TRIM31: variants seen among roughly 807,000 people sequenced by gnomAD.
TRIM31 encodes the protein E3 ubiquitin-protein ligase TRIM31.
TRIM31 carries 31 observed loss-of-function variants against 40.6 expected under a neutral mutation model. That is an observed-to-expected ratio of 0.76 (90% CI 0.57 to 1.03). The LOEUF (loss-of-function observed/expected upper bound fraction) is 1.03. Ranked by LOEUF, TRIM31 falls within the 50% of genes least tolerant of loss-of-function variation. The probability of loss-of-function intolerance (pLI) is 0.00; values close to 1 mark genes in which losing one functional copy is unlikely to be tolerated. For missense variants in TRIM31, 455 were observed against 497.5 expected (o/e 0.91, Z 0.81); for synonymous variants, 164 against 193.9 (o/e 0.85, Z 1.28).
intron 6 of TRIM31, among the ~76,000 whole-genome samples, chr6:30,107,098 C>T (rs1768788033): frequency 6.6e-6 from 1 of 151,418 alleles, no homozygotes; most frequent in Non-Finnish European, 1.5e-5. Flanking sequence ...AAAACTCCAT[C>T]AAAAATAAAT....
At chr6:30,105,820 G>T (rs1367270051) in intron 6 of TRIM31, among the ~76,000 whole-genome samples, 1 of 152,212 alleles carries the variant, frequency 6.6e-6, no homozygotes, top group African/African-American at 2.4e-5. Flanking sequence ...AGGACAAAGA[G>T]TGCCTTGAGG....
At chr6:30,111,452 G>C in intron 3 of TRIM31, 196 bp downstream of exon 3, 1 of 580,170 alleles carries the variant, frequency 1.7e-6, no homozygotes, top group Non-Finnish European at 3.0e-6. Flanking sequence ...TGCCGGTGGA[G>C]ACTGAGCAGT....
rs1325990483 is a variant in TRIM31 at position 30,103,637 on chromosome 6, T to C, written c.1177A>G (p.Thr393Ala). The change falls in exon 9 of 9, where the codon ACG becomes GCG. Residue 393 changes from threonine (T) to alanine (A), a missense_variant. Transcript: ENST00000376734. ...ISGQGASSQDTKTFDVALSEE... is the reference protein window; with the variant it reads ...ISGQGASSQDAKTFDVALSEE... ...GACAGCGCAACGTCAAATGTCTTCG[T>C]ATCCTGAGAGCTCGCTCCTTGACCA... 6.2e-7 allele frequency: 1 copy of C among 1,612,914 alleles called. No individual in the cohort carries two copies. The highest frequency in any genetic ancestry group is 2.2e-5 in the East Asian group (1 of 44,886).
In TRIM31 at chr6:30,103,423, C is replaced by A. The variant is rs574335716; in HGVS notation, c.*113G>T. 6.4e-4 allele frequency: 942 copies of A among 1,471,662 alleles called. 3 individuals are homozygous for A. Among genetic ancestry groups the A allele is most frequent in the Admixed American group, 3.5e-3 (184 of 53,244 alleles). The allele number at this position is 1,471,662 out of a possible 1,614,324, so 91.2% of individuals were successfully genotyped here. A position where few individuals can be genotyped will look rare whatever the true frequency, so the allele number is the denominator to read the frequency against. On this transcript the variant is annotated 3_prime_UTR_variant, in exon 9 of 9. Transcript: ENST00000376734. ...CGAGCCCTCCCATTCTCCACTCCTTCGACCCAATTCCACTAAGTCAAGAAC... is the reference window on the plus strand; with the variant it reads ...CGAGCCCTCCCATTCTCCACTCCTTAGACCCAATTCCACTAAGTCAAGAAC...
intron 3 of TRIM31, 68 bp from the exon 4 acceptor site, chr6:30,110,746 G>T: frequency 7.0e-7 from 1 of 1,426,310 alleles, no homozygotes. Flanking sequence ...ACTTTATTCA[G>T]CCATTAATTT....
chr6:30,105,631 T>C (rs1368846105), intron 6 of TRIM31: 1 of 156,376 alleles, frequency 6.4e-6, no homozygotes, highest in Non-Finnish European at 1.4e-5. Context: ...AAATTATTGC[T>C]ATCTTTTACA....
intron 6 of TRIM31, among the ~76,000 whole-genome samples, chr6:30,107,180 C>A (rs1421638364): frequency 7.2e-5 from 11 of 152,136 alleles, no homozygotes; most frequent in Non-Finnish European, 1.0e-4. Flanking sequence ...AGGAGCTAGA[C>A]AAAGCAGAGC....
chr6:30,106,183 C>A (rs901571744), intron 6 of TRIM31, among the ~76,000 whole-genome samples: 1 of 152,204 alleles, frequency 6.6e-6, no homozygotes, highest in African/African-American at 2.4e-5. Context: ...CAGCACCCTT[C>A]CCCCAGTGTC....
chr6:30,104,031 T>C (rs1281949877), intron 8 of TRIM31, 71 bp downstream of exon 8: 2 of 1,491,098 alleles, frequency 1.3e-6, no homozygotes, highest in Non-Finnish European at 1.9e-6. Context: ...TTTAGTGGAA[T>C]TGGGTGGATA....
At chr6:30,108,628 T>G (rs1768977770) in intron 5 of TRIM31, 2 of 249,678 alleles carry the variant, frequency 8.0e-6, no homozygotes. Context: ...AGTCAGAAAG[T>G]CAGGGCTAGG....
intron 4 of TRIM31, among the ~76,000 whole-genome samples, chr6:30,110,132 T>C (rs1009524431): frequency 1.3e-5 from 2 of 152,104 alleles, no homozygotes; most frequent in Non-Finnish European, 2.9e-5. Context: ...TTCAGATATA[T>C]TGAGTTAAAA....
chr6:30,105,335 C>A, intron 6 of TRIM31, 93 bp from the exon 7 acceptor site: 1 of 959,080 alleles, frequency 1.0e-6, no homozygotes, highest in South Asian at 1.5e-5. Context: ...TTTGAAATGC[C>A]TGGGAGAAGT....
At chr6:30,108,845 C>A in intron 5 of TRIM31, 181 bp downstream of exon 5, 1 of 676,480 alleles carries the variant, frequency 1.5e-6, no homozygotes, top group African/African-American at 1.8e-5. Flanking sequence ...TCTTTAACAA[C>A]CAACCACGTG....
intron 6 of TRIM31, 78 bp downstream of exon 6, chr6:30,107,975 A>G: frequency 1.0e-6 from 1 of 974,974 alleles, no homozygotes. Context: ...TATGAGTCAC[A>G]GTTCCATTTC....
rs138356386 is a variant in TRIM31 at position 30,108,597 on chromosome 6, GT to G, written c.767+428del. ...AAAAAAAAAAAAAGAAGACCTGGCG[GT>G]TAAGGGATAGTGAGCTGGGAGTCAG... On this transcript the variant is annotated intron_variant, in intron 5 of 8. Transcript: ENST00000376734. 3.6e-3 allele frequency: 859 copies of G among 241,684 alleles called. 17 individuals carry two copies. Among genetic ancestry groups the G allele is most frequent in the African/African-American group, 0.019 (817 of 43,330 alleles). 15.0% of individuals were successfully genotyped at this position (241,684 alleles called of 1,614,324 possible).
intron 6 of TRIM31, among the ~76,000 whole-genome samples, chr6:30,106,421 G>A (rs7767857): frequency 0.18 from 27,206 of 152,084 alleles, 2,675 homozygotes; most frequent in East Asian, 0.25. Flanking sequence ...CTCCACGTAC[G>A]TGTTCCAGAC....
At position 30,111,427 on chromosome 6, in the gene TRIM31, G is replaced by A. The variant is rs117010400; in HGVS notation, c.513+221C>T. 9.1e-3 allele frequency: 4,932 copies of A among 543,028 alleles called. 119 individuals are homozygous for A. Among genetic ancestry groups the A allele is most frequent in the East Asian group, 0.057 (1,906 of 33,184 alleles). The allele number at this position is 543,028 out of a possible 1,614,324, so 33.6% of individuals were successfully genotyped here. A position where few individuals can be genotyped will look rare whatever the true frequency, so the allele number is the denominator to read the frequency against. On this transcript the variant is annotated intron_variant, in intron 3 of 8. Transcript: ENST00000376734. ...ATTCTAAGACCAGCGCGGGTTTTCC[G>A]TGCCCCACCTTGTCTGCCGGTGGAG...
chr6:30,112,053 G>GT (rs752293882), intron 2 of TRIM31: 25 of 546,522 alleles, frequency 4.6e-5, no homozygotes, highest in Non-Finnish European at 8.0e-5. Context: ...GAGTTGTTTT[G>GT]TTTTTGCCAT....
At chr6:30,106,640 C>CTG (rs560687425) in intron 6 of TRIM31, among the ~76,000 whole-genome samples, 1 of 151,152 alleles carries the variant, frequency 6.6e-6, no homozygotes, top group Non-Finnish European at 1.5e-5. Context: ...AGTTGGGGGA[C>CTG]TGTGTGTGTG....
Sources: gnomAD v4.1 joint callset for allele counts (sites outside exome capture counted in the v4.1 genomes callset) on GRCh38, gnomAD v4.1.1 for gene constraint, MANE v1.5 for transcripts, NCBI Gene and HGNC (gene_info 2026-07-23, HGNC 2026-07-21) for gene names.